ARPP21: variants seen among roughly 807,000 people sequenced by gnomAD.
ARPP21 encodes cAMP regulated phosphoprotein 21, also known as cAMP-regulated phosphoprotein 21.
In ARPP21, 69 loss-of-function variants were observed where a neutral mutation model predicts 113.2. The observed-to-expected ratio is 0.61, with a 90% CI of 0.50 to 0.74. ARPP21 has a LOEUF of 0.74. Among genes scored for constraint, ARPP21 ranks in the 30% least tolerant of loss-of-function variants. The probability of loss-of-function intolerance (pLI) is 0.00; values close to 1 mark genes in which losing one functional copy is unlikely to be tolerated. For synonymous variants in ARPP21, 368 were observed against 375.5 expected, an observed-to-expected ratio of 0.98 and a Z score of 0.23; for missense variants, 1,070 against 1,037.4, an observed-to-expected ratio of 1.03 and a Z score of -0.43.
chr3:35,748,071 A>AAGGAAGGAAGGAAGGAAGG (rs1559837078), intron 19 of ARPP21, among the ~76,000 whole-genome samples: 2 of 94,320 alleles, frequency 2.1e-5, no homozygotes, highest in South Asian at 7.3e-4. Context: ...AGGAAGGAAG[A>AAGGAAGGAAGGAAGGAAGG]AAGAAAGAAA....
At chr3:35,646,006 G>T (rs1394314232) in intron 1 of ARPP21, among the ~76,000 whole-genome samples, 1 of 151,924 alleles carries the variant, frequency 6.6e-6, no homozygotes, top group Non-Finnish European at 1.5e-5. Context: ...TATGAATTGT[G>T]ATAAAATATG....
At chr3:35,753,282 C>A (rs1373823227) in intron 19 of ARPP21, among the ~76,000 whole-genome samples, 2 of 151,764 alleles carry the variant, frequency 1.3e-5, no homozygotes, top group Admixed American at 6.6e-5. Context: ...GAATGACAGC[C>A]TAACAAATCA....
Position 35,639,797 on chromosome 3 carries a change from C to T in ARPP21, c.-814C>T, listed in dbSNP as rs1454940588. 6.5e-6 allele frequency: 1 copy of T among 152,736 alleles called. No individual in the cohort carries two copies. Among genetic ancestry groups the T allele is most frequent in the Non-Finnish European group, 1.5e-5 (1 of 68,468 alleles). The allele number at this position is 152,736 out of a possible 1,614,324, so 9.5% of individuals were successfully genotyped here. A position where few individuals can be genotyped will look rare whatever the true frequency, so the allele number is the denominator to read the frequency against. ...GCACAGAGTGGGAGAGGACTGTGGGCACAGAAGACCGGAAGAGGGACGCTG... is the reference window on the plus strand; with the variant it reads ...GCACAGAGTGGGAGAGGACTGTGGGTACAGAAGACCGGAAGAGGGACGCTG... On this transcript the variant is annotated 5_prime_UTR_variant, in exon 1 of 21. Transcript: ENST00000684406. The surrounding 1 kb of genome is among the most constrained non-coding windows in gnomAD (Gnocchi z 5.0).
intron 17 of ARPP21, 136 bp from the exon 18 acceptor site, chr3:35,739,176 ATTATT>A (rs1476322749): frequency 1.9e-6 from 2 of 1,052,482 alleles, no homozygotes; most frequent in Non-Finnish European, 2.8e-6. Context: ...TGGCTGAAGA[ATTATT>A]TTATTTTATT....
intron 1 of ARPP21, among the ~76,000 whole-genome samples, chr3:35,665,647 A>G (rs1371811402): frequency 1.3e-5 from 2 of 152,210 alleles, no homozygotes; most frequent in Non-Finnish European, 2.9e-5. Flanking sequence ...TTGAGAAACA[A>G]GAAAAGAATC....
rs552706318 is a variant in ARPP21 at position 35,655,108 on chromosome 3, A to G, written c.-213+14710A>G. On this transcript the variant is annotated intron_variant, in intron 1 of 20. Transcript: ENST00000684406. ...TACAAACTTCTTAACCTAATTCATC[A>G]TATGCATTAGCTAGGTTTACTCCGG... Among the ~76,000 whole-genome samples the G allele has an allele frequency of 1.3e-4, 20 of 152,064 alleles. No individual in the cohort carries two copies. In the South Asian group the frequency reaches 4.1e-3, roughly 32 times the overall value.
At chr3:35,778,074 C>T (rs2096423393) in intron 19 of ARPP21, among the ~76,000 whole-genome samples, 1 of 152,108 alleles carries the variant, frequency 6.6e-6, no homozygotes, top group Admixed American at 6.5e-5. Flanking sequence ...AGGGTAATTT[C>T]TGAGGGGAAA....
At chr3:35,741,978 G>A (rs917930215) in intron 18 of ARPP21, among the ~76,000 whole-genome samples, 2 of 152,054 alleles carry the variant, frequency 1.3e-5, no homozygotes, top group Non-Finnish European at 2.9e-5. Flanking sequence ...GCTTGTGAAG[G>A]TATCACAGAA....
intron 14 of ARPP21, among the ~76,000 whole-genome samples, chr3:35,727,769 T>C (rs994927888): frequency 6.6e-6 from 1 of 152,238 alleles, no homozygotes; most frequent in Admixed American, 6.5e-5. Context: ...GTGTGTTTTC[T>C]CTTGGCTTCT....
chr3:35,780,584 AAAT>A (rs1468767300), intron 19 of ARPP21, among the ~76,000 whole-genome samples: 1 of 152,146 alleles, frequency 6.6e-6, no homozygotes, highest in African/African-American at 2.4e-5. Flanking sequence ...GAGGGAAAAA[AAAT>A]AATGAGTGGG....
At chr3:35,737,705 C>T (rs866302449) in intron 16 of ARPP21, among the ~76,000 whole-genome samples, 2 of 152,156 alleles carry the variant, frequency 1.3e-5, no homozygotes, top group Non-Finnish European at 2.9e-5. Flanking sequence ...CCCCCATTCC[C>T]GTCACAGATC....
chr3:35,656,401 C>A (rs1172568022), intron 1 of ARPP21, among the ~76,000 whole-genome samples: 2 of 152,076 alleles, frequency 1.3e-5, no homozygotes, highest in African/African-American at 4.8e-5. Context: ...TTTAATTGCC[C>A]CAAATTAGGA....
At chr3:35,681,973 G>C (rs1232820519) in intron 3 of ARPP21, 93 bp downstream of exon 3, 8 of 1,366,344 alleles carry the variant, frequency 5.9e-6, no homozygotes, top group Non-Finnish European at 7.8e-6. Context: ...ATTTTTTAAA[G>C]AGTTTCACTG....
intron 5 of ARPP21, 139 bp from the exon 6 acceptor site, chr3:35,687,600 G>C (rs773330880): frequency 3.0e-6 from 2 of 670,390 alleles, no homozygotes; most frequent in Non-Finnish European, 4.9e-6. Flanking sequence ...TTTCCTGACA[G>C]GTTTAATTTT....
At chr3:35,709,572 C>T (rs1365077812) in intron 11 of ARPP21, among the ~76,000 whole-genome samples, 2 of 151,994 alleles carry the variant, frequency 1.3e-5, no homozygotes, top group African/African-American at 4.8e-5. Flanking sequence ...TCCTCAATTT[C>T]AAATCAAATC....
At chr3:35,732,467 T>G (rs1352354535) in intron 15 of ARPP21, among the ~76,000 whole-genome samples, 1 of 152,200 alleles carries the variant, frequency 6.6e-6, no homozygotes, top group Non-Finnish European at 1.5e-5. Context: ...ACGGAGGCTG[T>G]TTTTCAAAGT....
intron 9 of ARPP21, among the ~76,000 whole-genome samples, chr3:35,702,256 A>G (rs532041777): frequency 6.6e-6 from 1 of 151,808 alleles, no homozygotes; most frequent in Non-Finnish European, 1.5e-5. Flanking sequence ...ATTGGATATA[A>G]TTTTATAGAG....
intron 12 of ARPP21, among the ~76,000 whole-genome samples, chr3:35,716,183 G>T (rs1319494852): frequency 6.6e-6 from 1 of 151,982 alleles, no homozygotes; most frequent in East Asian, 1.9e-4. Flanking sequence ...TTTAATTGCG[G>T]ATACTCAGGG....
chr3:35,666,576 CTT>C (rs1350930915), intron 1 of ARPP21, among the ~76,000 whole-genome samples: 7 of 151,998 alleles, frequency 4.6e-5, no homozygotes, highest in Middle Eastern at 3.4e-3. Flanking sequence ...TTTAGTTTGT[CTT>C]TGACATTAAT....
Sources: allele counts gnomAD v4.1 joint callset (sites outside exome capture counted in the v4.1 genomes callset), GRCh38; gene constraint gnomAD v4.1.1; non-coding constraint Gnocchi (gnomAD v3.1); transcripts MANE v1.5; gene names NCBI Gene and HGNC (gene_info 2026-07-23, HGNC 2026-07-21).